The following PSMD1 variants were observed in gnomAD, a reference collection of about 807,000 sequenced individuals.
PSMD1 encodes the protein proteasome 26S subunit, non-ATPase 1, also known as 26S proteasome non-ATPase regulatory subunit 1.
A neutral mutation model predicts 119.0 loss-of-function variants in PSMD1; 18 were observed. The observed-to-expected ratio is 0.15, with a 90% CI of 0.10 to 0.22. The LOEUF (loss-of-function observed/expected upper bound fraction) is 0.22, where lower values mean the gene tolerates loss of function less well. Among genes scored for constraint, PSMD1 ranks in the 10% least tolerant of loss-of-function variants. The pLI, the probability that PSMD1 is intolerant of heterozygous loss-of-function variation, is 1.00. For missense variants in PSMD1, 702 were observed against 1,158.5 expected, an observed-to-expected ratio of 0.61 and a Z score of 5.72; for synonymous variants, 374 against 396.6, an observed-to-expected ratio of 0.94 and a Z score of 0.68.
chr2:231,086,516 G>A (rs770882961), intron 15 of PSMD1, among the ~76,000 whole-genome samples: 6 of 152,256 alleles, frequency 3.9e-5, no homozygotes, highest in East Asian at 3.9e-4. Flanking sequence ...AATTAGCTGG[G>A]CATGGTGGCA....
chr2:231,120,710 C>T (rs745351271), intron 16 of PSMD1, among the ~76,000 whole-genome samples: 1 of 152,144 alleles, frequency 6.6e-6, no homozygotes, highest in Non-Finnish European at 1.5e-5. Context: ...TATTAGACTA[C>T]GAGCTAGTAT....
At chr2:231,064,430 A>G (rs1483969936) in intron 4 of PSMD1, among the ~76,000 whole-genome samples, 2 of 152,218 alleles carry the variant, frequency 1.3e-5, no homozygotes, top group Non-Finnish European at 2.9e-5. Flanking sequence ...AACCTGGTGA[A>G]TGAGAACATG....
chr2:231,115,707 A>G (rs971373635), intron 16 of PSMD1, among the ~76,000 whole-genome samples: 3 of 152,122 alleles, frequency 2.0e-5, no homozygotes, highest in African/African-American at 4.8e-5. Flanking sequence ...AAGTCTGAAT[A>G]TAGAGGTAAG....
chr2:231,062,963 C>T (rs74709967), intron 4 of PSMD1, among the ~76,000 whole-genome samples: 316 of 152,122 alleles, frequency 2.1e-3, no homozygotes, highest in Middle Eastern at 3.4e-3. Flanking sequence ...GTAGTTTTTT[C>T]GAATACAGGA....
chr2:231,061,808 G>A (rs1403167099), intron 2 of PSMD1, among the ~76,000 whole-genome samples: 1 of 152,032 alleles, frequency 6.6e-6, no homozygotes. Context: ...GGGCTCAAGT[G>A]ATCCCCCCGC....
At chr2:231,121,089 T>C (rs947977919) in intron 16 of PSMD1, among the ~76,000 whole-genome samples, 3 of 152,234 alleles carry the variant, frequency 2.0e-5, no homozygotes, top group African/African-American at 7.2e-5. Flanking sequence ...AGAAATTGAA[T>C]TATGCTTTAA....
intron 16 of PSMD1, among the ~76,000 whole-genome samples, chr2:231,107,135 G>A (rs146365872): frequency 2.6e-5 from 4 of 152,264 alleles, no homozygotes; most frequent in Admixed American, 2.0e-4. Context: ...GGAATTAAAT[G>A]TGTATGATAT....
At position 231,062,274 on chromosome 2, in the gene PSMD1, A is replaced by T; in HGVS notation, c.87A>T (p.Ala29=). The T allele has an allele frequency of 6.2e-7, 1 of 1,613,186 alleles. No homozygotes were observed. Among genetic ancestry groups the T allele is most frequent in the African/African-American group, 1.3e-5 (1 of 75,036 alleles). Residue 29 remains alanine (A), a synonymous_variant, in exon 3 of 25, where the codon GCA becomes GCT. Transcript: ENST00000308696. ...AATTTGCACTACACAAATTGAATGC[A>T]GTTGTTAATGACTTCTGGGCAGAAA... ...LKEFALHKLN[A]VVNDFWAEIS... is the part of the protein sequence containing the mutation.
intron 16 of PSMD1, among the ~76,000 whole-genome samples, chr2:231,137,874 C>T (rs184287414): frequency 7.8e-4 from 119 of 152,322 alleles, no homozygotes; most frequent in Non-Finnish European, 1.4e-3. Context: ...TGATTTCATT[C>T]TTCATGGCTG....
chr2:231,074,267 G>A (rs908455676), intron 7 of PSMD1, among the ~76,000 whole-genome samples: 5 of 151,864 alleles, frequency 3.3e-5, no homozygotes, highest in Non-Finnish European at 5.9e-5. Flanking sequence ...TATCATGCCC[G>A]GCTAATTTTT....
At chr2:231,165,740 T>C in intron 22 of PSMD1, 131 bp from the exon 23 acceptor site, 1 of 733,742 alleles carries the variant, frequency 1.4e-6, no homozygotes, top group South Asian at 2.2e-5. Flanking sequence ...GATAGCACTT[T>C]AGTTGTACTT....
chr2:231,068,458 A>G lies in PSMD1; in HGVS notation c.510+1347A>G, dbSNP rs560205733. Among the ~76,000 whole-genome samples the G allele has an allele frequency of 5.5e-4, 83 of 152,058 alleles. 1 individual carries two copies. The highest frequency in any genetic ancestry group is 1.0e-3 in the Non-Finnish European group (71 of 67,978). On this transcript the variant is annotated intron_variant, in intron 5 of 24. Transcript: ENST00000308696. ...CTGTTTGCCAGATACTGTTCTAGGC[A>G]TTGGAGATGTGCATTGTCCCCATTC...
At chr2:231,119,972 A>G (rs1695479743) in intron 16 of PSMD1, among the ~76,000 whole-genome samples, 1 of 137,482 alleles carries the variant, frequency 7.3e-6, no homozygotes, top group African/African-American at 2.7e-5. Context: ...TTTTTCCCTG[A>G]GACAGAGCCT....
chr2:231,152,117 C>T (rs1016480524), intron 18 of PSMD1, among the ~76,000 whole-genome samples: 6 of 151,890 alleles, frequency 4.0e-5, no homozygotes, highest in South Asian at 4.2e-4. Context: ...CACCCGGCCA[C>T]GTGAGAATTT....
chr2:231,062,554 C>T lies in PSMD1; in HGVS notation c.183C>T (p.Ala61=). The change falls in exon 4 of 25, where the codon GCC becomes GCT. Residue 61 remains alanine, a synonymous_variant. Coordinates refer to ENST00000308696, the MANE Select transcript of PSMD1 (RefSeq NM_002807.4). The stretch of plus-strand genomic sequence containing the variant: ...GTTTCCGGAGTCGGCAGTTTGCAGC[C>T]TTAGTGGCATCTAAAGTATTTTATC... The part of the protein sequence containing the change: ...DEGFRSRQFA[A]LVASKVFYHL... 1 of 1,610,604 alleles carries T rather than the reference C, an allele frequency of 6.2e-7. No individual in the cohort carries two copies.
In PSMD1 at chr2:231,080,207, G is replaced by A; in HGVS notation, c.1306G>A (p.Ala436Thr). Residue 436 changes from alanine to threonine, a missense_variant, in exon 12 of 25, where the codon GCC becomes ACC. Physicochemically the swap from Ala to Thr is moderately conservative, Grantham distance 58. This residue lies in a region of PSMD1 where 272 missense variants were observed against 511.6 expected (regional missense o/e 0.53). Transcript: ENST00000308696. ...YLPKDTSPGSAYQEGGGLYAL... is the reference protein window; with the variant it reads ...YLPKDTSPGSTYQEGGGLYAL... ...TCCCAAGGATACTTCTCCAGGATCA[G>A]CCTATCAGGAAGGTGGAGGTCTCTA... 2 of 1,613,690 alleles carry A rather than the reference G, an allele frequency of 1.2e-6. No homozygotes were observed. The highest frequency in any genetic ancestry group is 1.7e-6 in the Non-Finnish European group (2 of 1,179,634).
intron 4 of PSMD1, among the ~76,000 whole-genome samples, chr2:231,064,709 G>T (rs1367394659): frequency 1.3e-5 from 2 of 152,052 alleles, no homozygotes; most frequent in Non-Finnish European, 2.9e-5. Context: ...TCTGTTGCCC[G>T]GGCTGGAGTG....
Position 231,145,894 on chromosome 2 carries a change from CAAAAAAAAAAAAAA to C in PSMD1, c.1999-331_1999-318del, listed in dbSNP as rs36124651. Among the ~76,000 whole-genome samples the C allele has an allele frequency of 1.9e-4, 9 of 46,536 alleles. 1 individual carries two copies. The highest frequency in any genetic ancestry group is 6.0e-4 in the East Asian group (1 of 1,674). 30.5% of individuals were successfully genotyped at this position (46,536 alleles called of 152,430 possible). A position where few individuals can be genotyped will look rare whatever the true frequency, so the allele number is the denominator to read the frequency against. On this transcript the variant is annotated intron_variant, in intron 17 of 24. Transcript: ENST00000308696. ...GGTGACAAGAGTTGAAGCTACATCTCAAAAAAAAAAAAAAAAAAAAAAAAAAAATTGTACCATTG... is the reference window on the plus strand; with the variant it reads ...GGTGACAAGAGTTGAAGCTACATCTCAAAAAAAAAAAAAATTGTACCATTG...
At chr2:231,120,162 G>T (rs1453972357) in intron 16 of PSMD1, among the ~76,000 whole-genome samples, 1 of 152,044 alleles carries the variant, frequency 6.6e-6, no homozygotes, top group East Asian at 1.9e-4. Flanking sequence ...ATCTTGGCCA[G>T]GCTGGTCTCG....
Sources: allele counts gnomAD v4.1 joint callset (sites outside exome capture counted in the v4.1 genomes callset), GRCh38; gene constraint gnomAD v4.1.1; regional missense constraint gnomAD v4.1.1; transcripts MANE v1.5; gene names NCBI Gene and HGNC (gene_info 2026-07-23, HGNC 2026-07-21).